Variants in HS3ST5 observed in about 807,000 individuals in gnomAD.
The protein encoded by HS3ST5 is heparan sulfate glucosamine 3-O-sulfotransferase 5.
A neutral mutation model predicts 25.4 loss-of-function variants in HS3ST5; 10 were observed. The observed-to-expected ratio is 0.39, with a 90% CI of 0.24 to 0.67. The LOEUF is 0.67. Among genes scored for constraint, HS3ST5 ranks in the 30% least tolerant of loss-of-function variants. HS3ST5 has a pLI of 0.44. For synonymous variants in HS3ST5, 170 were observed against 162.4 expected (o/e 1.05, Z -0.36); for missense variants, 324 against 420.7 (o/e 0.77, Z 2.01).
intron 2 of HS3ST5, among the ~76,000 whole-genome samples, chr6:114,170,062 G>A (rs1779406082): frequency 6.6e-6 from 1 of 152,056 alleles, no homozygotes; most frequent in Non-Finnish European, 1.5e-5. Flanking sequence ...CAATGGAGAA[G>A]GTTAAAGTAG....
intron 2 of HS3ST5, among the ~76,000 whole-genome samples, chr6:114,190,477 G>T (rs574853758): frequency 6.6e-6 from 1 of 152,042 alleles, no homozygotes; most frequent in Non-Finnish European, 1.5e-5. Context: ...ACATGTGTGT[G>T]CCTTTTAAAA....
At chr6:114,125,289 A>G (rs1340867490) in intron 3 of HS3ST5, among the ~76,000 whole-genome samples, 1 of 152,222 alleles carries the variant, frequency 6.6e-6, no homozygotes, top group Non-Finnish European at 1.5e-5. Context: ...TATGTTTTTC[A>G]GTAGAAATTT....
At chr6:114,341,813 G>T (rs889185632) in intron 1 of HS3ST5, among the ~76,000 whole-genome samples, 3 of 152,054 alleles carry the variant, frequency 2.0e-5, no homozygotes, top group African/African-American at 7.2e-5. Flanking sequence ...CACCCCAGAA[G>T]TGACCGAACG....
intron 1 of HS3ST5, among the ~76,000 whole-genome samples, chr6:114,319,074 G>C (rs1192404236): frequency 1.3e-5 from 2 of 151,958 alleles, no homozygotes; most frequent in Non-Finnish European, 2.9e-5. Context: ...TATTTATCTA[G>C]ATATATAAAT....
chr6:114,327,997 C>T (rs1326744211), intron 1 of HS3ST5, among the ~76,000 whole-genome samples: 3 of 151,944 alleles, frequency 2.0e-5, no homozygotes, highest in Non-Finnish European at 4.4e-5. Context: ...TAAGAACTGC[C>T]AGGTGAGAGA....
chr6:114,243,233 T>G (rs1265691406), intron 1 of HS3ST5, among the ~76,000 whole-genome samples: 1 of 152,210 alleles, frequency 6.6e-6, no homozygotes, highest in Non-Finnish European at 1.5e-5. Context: ...GATAAATGCA[T>G]ATTATTGTAT....
intron 3 of HS3ST5, among the ~76,000 whole-genome samples, chr6:114,082,028 C>T (rs913195124): frequency 6.6e-5 from 10 of 152,156 alleles, no homozygotes; most frequent in African/African-American, 2.2e-4. Context: ...CCATTTTTCC[C>T]TCCCAGCCCT....
intron 1 of HS3ST5, among the ~76,000 whole-genome samples, chr6:114,241,502 CT>C (rs1407591147): frequency 2.0e-5 from 3 of 152,154 alleles, no homozygotes; most frequent in Non-Finnish European, 4.4e-5. Flanking sequence ...AGAAAAACAA[CT>C]TTTCCATTCA....
chr6:114,252,923 A>C (rs993177466), intron 1 of HS3ST5, among the ~76,000 whole-genome samples: 4 of 152,192 alleles, frequency 2.6e-5, no homozygotes, highest in Non-Finnish European at 4.4e-5. Context: ...GTAGCTGGGC[A>C]TGATGGCTCA....
chr6:114,306,526 T>G (rs950191813), intron 1 of HS3ST5, among the ~76,000 whole-genome samples: 5 of 151,924 alleles, frequency 3.3e-5, no homozygotes, highest in African/African-American at 1.2e-4. Context: ...CGATATTATA[T>G]TTATAGTAAT....
chr6:114,126,592 G>A (rs1777049174), intron 3 of HS3ST5, among the ~76,000 whole-genome samples: 1 of 152,206 alleles, frequency 6.6e-6, no homozygotes, highest in Admixed American at 6.5e-5. Flanking sequence ...TGAGAATGAA[G>A]TGAGGTATCT....
chr6:114,061,269 T>C (rs937643402), intron 4 of HS3ST5, among the ~76,000 whole-genome samples: 2 of 152,070 alleles, frequency 1.3e-5, no homozygotes, highest in Admixed American at 1.3e-4. Flanking sequence ...ATTACAGAGG[T>C]AGGCCAATGG....
intron 3 of HS3ST5, among the ~76,000 whole-genome samples, chr6:114,105,883 C>T (rs1472671549): frequency 6.6e-6 from 1 of 152,112 alleles, no homozygotes. Flanking sequence ...ATCAAATTAA[C>T]ATTGCATATG....
intron 3 of HS3ST5, among the ~76,000 whole-genome samples, chr6:114,116,384 T>TC (rs1193809412): frequency 6.6e-6 from 1 of 152,032 alleles, no homozygotes; most frequent in African/African-American, 2.4e-5. Context: ...AGACCCCAGT[T>TC]CTAGTTTGCC....
intron 1 of HS3ST5, among the ~76,000 whole-genome samples, chr6:114,330,717 G>A (rs1562278125): frequency 6.6e-6 from 1 of 152,084 alleles, no homozygotes; most frequent in Non-Finnish European, 1.5e-5. Context: ...ACCCCACTTG[G>A]TTCTCTTCTG....
chr6:114,147,524 T>G (rs1180138700), intron 3 of HS3ST5, among the ~76,000 whole-genome samples: 2 of 152,156 alleles, frequency 1.3e-5, no homozygotes, highest in East Asian at 3.9e-4. Flanking sequence ...AGAACCAACC[T>G]ACCAATCTGG....
intron 2 of HS3ST5, among the ~76,000 whole-genome samples, chr6:114,218,377 T>C (rs1781870747): frequency 1.3e-5 from 2 of 152,204 alleles, no homozygotes; most frequent in Admixed American, 1.3e-4. Context: ...GAAAAGAATG[T>C]TTTCATTTTG....
At chr6:114,247,455 A>G (rs1772434704) in intron 1 of HS3ST5, among the ~76,000 whole-genome samples, 1 of 152,226 alleles carries the variant, frequency 6.6e-6, no homozygotes, top group Admixed American at 6.5e-5. Context: ...CAGAAAATGC[A>G]TGAATTTGAG....
intron 3 of HS3ST5, among the ~76,000 whole-genome samples, chr6:114,127,286 T>A (rs1777089380): frequency 1.3e-5 from 2 of 152,102 alleles, no homozygotes; most frequent in Non-Finnish European, 2.9e-5. Flanking sequence ...TAATTACCAA[T>A]TTCTTAGGAA....
Sources: gnomAD v4.1 joint callset for allele counts (sites outside exome capture counted in the v4.1 genomes callset) on GRCh38, gnomAD v4.1.1 for gene constraint, MANE v1.5 for transcripts, NCBI Gene and HGNC (gene_info 2026-07-23, HGNC 2026-07-21) for gene names.